TCF12: variants seen among roughly 807,000 people sequenced by gnomAD.
The protein encoded by TCF12 is transcription factor 12.
In TCF12, 45 loss-of-function variants were observed where a neutral mutation model predicts 86.0. The ratio of observed to expected loss-of-function variants is 0.52; its 90% CI spans 0.41 to 0.67. TCF12 has a LOEUF of 0.67. Ranked by LOEUF, TCF12 falls within the 30% of genes least tolerant of loss-of-function variation. The probability of loss-of-function intolerance (pLI) is 0.00; values close to 1 mark genes in which losing one functional copy is unlikely to be tolerated. For missense variants in TCF12, 881 were observed against 859.9 expected, an observed-to-expected ratio of 1.02 and a Z score of -0.31; for synonymous variants, 330 against 299.6, an observed-to-expected ratio of 1.10 and a Z score of -1.05.
intron 4 of TCF12, among the ~76,000 whole-genome samples, chr15:57,082,229 T>C (rs1195673586): frequency 6.6e-6 from 1 of 152,212 alleles, no homozygotes; most frequent in African/African-American, 2.4e-5. Context: ...ATTTTAATCA[T>C]GAACTGTGTA....
intron 6 of TCF12, among the ~76,000 whole-genome samples, chr15:57,190,638 G>C (rs1243628283): frequency 1.3e-5 from 2 of 152,064 alleles, no homozygotes; most frequent in Non-Finnish European, 2.9e-5. Flanking sequence ...AAATCTTGGT[G>C]CAAAATTCTG....
At chr15:56,966,990 C>G (rs867167645) in intron 3 of TCF12, among the ~76,000 whole-genome samples, 5 of 152,106 alleles carry the variant, frequency 3.3e-5, no homozygotes, top group African/African-American at 9.6e-5. Context: ...GGCATGGTGG[C>G]AGGTGCTTGT....
intron 3 of TCF12, among the ~76,000 whole-genome samples, chr15:56,942,539 G>T (rs2060823555): frequency 1.3e-5 from 2 of 152,094 alleles, no homozygotes; most frequent in Non-Finnish European, 2.9e-5. Context: ...TTAGAAGAGG[G>T]TATTATAAAC....
At chr15:57,275,219 G>A (rs2061323552) in intron 19 of TCF12, among the ~76,000 whole-genome samples, 1 of 152,004 alleles carries the variant, frequency 6.6e-6, no homozygotes, top group Admixed American at 6.6e-5. Context: ...ACTTCGTTAG[G>A]GATTGCTTTG....
chr15:57,041,623 G>C (rs1792586996), intron 3 of TCF12, among the ~76,000 whole-genome samples: 1 of 152,078 alleles, frequency 6.6e-6, no homozygotes, highest in South Asian at 2.1e-4. Context: ...AGAATGCAGG[G>C]TCCAAAGCCA....
intron 3 of TCF12, among the ~76,000 whole-genome samples, chr15:56,956,123 C>T (rs1384107068): frequency 6.6e-6 from 1 of 151,826 alleles, no homozygotes; most frequent in African/African-American, 2.4e-5. Flanking sequence ...ACCTAAAGAA[C>T]AGTTTATTTA....
chr15:56,953,063 G>A (rs1334855765), intron 3 of TCF12, among the ~76,000 whole-genome samples: 1 of 152,030 alleles, frequency 6.6e-6, no homozygotes, highest in East Asian at 1.9e-4. Context: ...TAGAATAGAT[G>A]TTGGATTTTG....
At chr15:57,072,228 C>A (rs2069457591) in intron 4 of TCF12, among the ~76,000 whole-genome samples, 1 of 152,066 alleles carries the variant, frequency 6.6e-6, no homozygotes, top group Non-Finnish European at 1.5e-5. Context: ...AAAACTGGTA[C>A]AACTAAGTGA....
chr15:57,003,966 C>CT (rs1285796016), intron 3 of TCF12, among the ~76,000 whole-genome samples: 1 of 152,110 alleles, frequency 6.6e-6, no homozygotes, highest in African/African-American at 2.4e-5. Flanking sequence ...GCTCGGGCTT[C>CT]TTACATGGTA....
At chr15:56,935,040 G>A (rs1218557800) in intron 3 of TCF12, among the ~76,000 whole-genome samples, 1 of 152,158 alleles carries the variant, frequency 6.6e-6, no homozygotes, top group Non-Finnish European at 1.5e-5. Flanking sequence ...AGGTGAAACA[G>A]CAAAACTAAA....
chr15:56,934,069 A>C (rs371002672), intron 3 of TCF12, among the ~76,000 whole-genome samples: 3 of 152,074 alleles, frequency 2.0e-5, no homozygotes, highest in Non-Finnish European at 4.4e-5. Context: ...TGAAGCACTA[A>C]AGTAAAATAA....
At chr15:56,973,412 A>T (rs576685950) in intron 3 of TCF12, among the ~76,000 whole-genome samples, 2 of 152,152 alleles carry the variant, frequency 1.3e-5, no homozygotes, top group Non-Finnish European at 2.9e-5. Context: ...CACTGGCCTT[A>T]TCTGTGCTAC....
chr15:56,940,487 C>CCTCCTCCTCCTCCTTCTTCTT (rs1229400552), intron 3 of TCF12, among the ~76,000 whole-genome samples: 290 of 101,426 alleles, frequency 2.9e-3, no homozygotes, highest in African/African-American at 0.01. Flanking sequence ...TTCTCCTCCT[C>CCTCCTCCTCCTCCTTCTTCTT]CTCCTCCTCC....
chr15:57,028,696 G>A (rs1452800045), intron 3 of TCF12, among the ~76,000 whole-genome samples: 1 of 152,086 alleles, frequency 6.6e-6, no homozygotes, highest in Non-Finnish European at 1.5e-5. Flanking sequence ...ATTTACCAAA[G>A]CTTTCATTGT....
chr15:57,056,785 T>A (rs1183355506), intron 3 of TCF12, among the ~76,000 whole-genome samples: 2 of 149,548 alleles, frequency 1.3e-5, no homozygotes, highest in Non-Finnish European at 3.0e-5. Flanking sequence ...TAATGTTTTC[T>A]TTTTCTTCGT....
chr15:57,188,989 A>G (rs1268859385), intron 6 of TCF12, among the ~76,000 whole-genome samples: 2 of 152,146 alleles, frequency 1.3e-5, no homozygotes, highest in African/African-American at 2.4e-5. Flanking sequence ...GGACCGCCCT[A>G]TGTGGCCCAG....
rs772223615 is a variant in TCF12, at chr15:57,063,831, T to C, written c.222+8T>C. 2 of 1,578,994 alleles carry C rather than the reference T, an allele frequency of 1.3e-6. No homozygotes were observed. The highest frequency in any genetic ancestry group is 1.7e-6 in the Non-Finnish European group (2 of 1,154,200). The stretch of plus-strand genomic sequence containing the variant: ...TCCTATGATTCATCTAGAGTAAGTT[T>C]GCTGATCAACCCTTGATTAAAGCTG... On this transcript the variant is annotated splice_region_variant and intron_variant, in intron 4 of 20. Coordinates refer to ENST00000333725, the MANE Select transcript of TCF12 (RefSeq NM_207037.2).
At chr15:57,170,766 TATATTATATATAATATATATATATAATA>T (rs1567559770) in intron 6 of TCF12, among the ~76,000 whole-genome samples, 1 of 15,118 alleles carries the variant, frequency 6.6e-5, no homozygotes, top group African/African-American at 2.7e-4. Flanking sequence ...ATATTATATA[TATATTATATATAATATATATATATAATA>T]TATATATATA....
chr15:56,962,089 C>T (rs1253428991), intron 3 of TCF12, among the ~76,000 whole-genome samples: 7 of 146,106 alleles, frequency 4.8e-5, no homozygotes, highest in Non-Finnish European at 7.4e-5. Flanking sequence ...GCCGAGACTG[C>T]GCCACTGTAC....
Sources: gnomAD v4.1 joint callset for allele counts (sites outside exome capture counted in the v4.1 genomes callset) on GRCh38, gnomAD v4.1.1 for gene constraint, MANE v1.5 for transcripts, NCBI Gene and HGNC (gene_info 2026-07-23, HGNC 2026-07-21) for gene names.